Variants in PPA2 observed in about 807,000 individuals in gnomAD.
PPA2 encodes inorganic pyrophosphatase 2.
A neutral mutation model predicts 49.5 loss-of-function variants in PPA2; 48 were observed. The observed-to-expected ratio is 0.97, with a 90% CI of 0.77 to 1.23. The LOEUF (loss-of-function observed/expected upper bound fraction) is 1.23, where lower values mean the gene tolerates loss of function less well. PPA2 is among the 50% of genes most tolerant of loss of function. The pLI, the probability that PPA2 is intolerant of heterozygous loss-of-function variation, is 0.00. For synonymous variants in PPA2, 131 were observed against 139.9 expected, an observed-to-expected ratio of 0.94 and a Z score of 0.45; for missense variants, 429 against 410.1, an observed-to-expected ratio of 1.05 and a Z score of -0.40.
chr4:105,466,214 C>G (rs1019742561), intron 1 of PPA2, among the ~76,000 whole-genome samples: 2 of 151,896 alleles, frequency 1.3e-5, no homozygotes, highest in Non-Finnish European at 2.9e-5. Flanking sequence ...TAGAGAACAC[C>G]CACTTGACCT....
chr4:105,403,817 C>T (rs1249442496), intron 7 of PPA2, among the ~76,000 whole-genome samples: 1 of 151,934 alleles, frequency 6.6e-6, no homozygotes, highest in Non-Finnish European at 1.5e-5. Context: ...ACTGGGGATA[C>T]TGTATATCTT....
chr4:105,423,629 G>A (rs976846807), intron 7 of PPA2, among the ~76,000 whole-genome samples: 4 of 152,164 alleles, frequency 2.6e-5, no homozygotes, highest in African/African-American at 9.6e-5. Flanking sequence ...ACTGAAGTCT[G>A]TCTGACTCCA....
intron 5 of PPA2, among the ~76,000 whole-genome samples, chr4:105,442,413 C>G (rs1044731255): frequency 2.5e-4 from 38 of 152,142 alleles, no homozygotes; most frequent in African/African-American, 9.2e-4. Context: ...ATAAGTAGGA[C>G]TATATATTTG....
intron 1 of PPA2, among the ~76,000 whole-genome samples, chr4:105,466,565 C>A (rs1472363520): frequency 6.6e-6 from 1 of 152,096 alleles, no homozygotes; most frequent in Non-Finnish European, 1.5e-5. Flanking sequence ...AACTGAGGGG[C>A]AGAAGGCAGA....
intron 10 of PPA2, among the ~76,000 whole-genome samples, chr4:105,383,934 G>C (rs1733591113): frequency 6.6e-6 from 1 of 151,084 alleles, no homozygotes; most frequent in African/African-American, 2.4e-5. Context: ...TTTGAAGACT[G>C]TACAATATTC....
intron 7 of PPA2, among the ~76,000 whole-genome samples, chr4:105,420,886 A>T (rs115832769): frequency 0.02 from 3,101 of 152,324 alleles, 47 homozygotes; most frequent in Middle Eastern, 0.061. Context: ...AAACTAAATG[A>T]ATATTTACAT....
intron 7 of PPA2, among the ~76,000 whole-genome samples, chr4:105,413,329 G>C (rs1722849271): frequency 6.6e-6 from 1 of 151,512 alleles, no homozygotes; most frequent in Non-Finnish European, 1.5e-5. Context: ...GGGGGTGGGG[G>C]ACTGGGGGAG....
chr4:105,401,857 A>T (rs1308105736), intron 7 of PPA2, among the ~76,000 whole-genome samples: 1 of 152,216 alleles, frequency 6.6e-6, no homozygotes, highest in Non-Finnish European at 1.5e-5. Flanking sequence ...CATATTATGT[A>T]TGCTGACTCT....
chr4:105,406,737 A>G (rs545995021), intron 7 of PPA2, among the ~76,000 whole-genome samples: 1 of 152,274 alleles, frequency 6.6e-6, no homozygotes, highest in South Asian at 2.1e-4. Context: ...ACCTGAGAAT[A>G]TTGTTATTTT....
chr4:105,428,526 C>CAAAAAA (rs35821105), intron 6 of PPA2, among the ~76,000 whole-genome samples: 2 of 144,070 alleles, frequency 1.4e-5, no homozygotes, highest in Non-Finnish European at 3.0e-5. Context: ...AAATGGAAAG[C>CAAAAAA]AAAAAAAAAA....
Position 105,458,799 on chromosome 4 carries a change from C to A in PPA2, c.158-2054G>T, listed in dbSNP as rs536272824. ...ATCGCACCACTGCACTCCAGCCTGG[C>A]GACACAAGACTCCACCTCCAAAAAA... On this transcript the variant is annotated intron_variant, in intron 1 of 11. Transcript: ENST00000341695. Among the ~76,000 whole-genome samples the A allele has an allele frequency of 4.6e-4, 56 of 121,282 alleles. 1 individual carries two copies. Among genetic ancestry groups the A allele is most frequent in the Admixed American group, 1.0e-3 (9 of 9,030 alleles). 79.6% of individuals were successfully genotyped at this position (121,282 alleles called of 152,430 possible).
At chr4:105,399,249 G>C (rs978156933) in intron 7 of PPA2, 85 bp from the exon 8 acceptor site, 15 of 1,305,396 alleles carry the variant, frequency 1.1e-5, no homozygotes, top group Non-Finnish European at 1.5e-5. Flanking sequence ...GAGGGAGCCA[G>C]GAAACATGGG....
intron 9 of PPA2, among the ~76,000 whole-genome samples, chr4:105,395,816 G>A (rs1373813208): frequency 1.3e-5 from 2 of 152,100 alleles, no homozygotes; most frequent in Admixed American, 6.5e-5. Context: ...AAAAATGGGT[G>A]AATATACATT....
intron 7 of PPA2, among the ~76,000 whole-genome samples, chr4:105,420,008 TG>T (rs1723184519): frequency 6.6e-6 from 1 of 152,068 alleles, no homozygotes; most frequent in Non-Finnish European, 1.5e-5. Context: ...GTCTCGCTCT[TG>T]TTGCCTAGGC....
chr4:105,379,429 A>G (rs1169906244), intron 10 of PPA2, among the ~76,000 whole-genome samples: 2 of 77,750 alleles, frequency 2.6e-5, no homozygotes, highest in Non-Finnish European at 6.5e-5. Flanking sequence ...ATATGTGTAG[A>G]TAGATAGATA....
At chr4:105,391,234 G>T (rs1260858236) in intron 9 of PPA2, among the ~76,000 whole-genome samples, 1 of 150,820 alleles carries the variant, frequency 6.6e-6, no homozygotes. Flanking sequence ...ATGCAGGCAG[G>T]GCTTAATACC....
chr4:105,472,059 T>C (rs1723545229), intron 1 of PPA2, among the ~76,000 whole-genome samples: 1 of 152,246 alleles, frequency 6.6e-6, no homozygotes, highest in African/African-American at 2.4e-5. Flanking sequence ...TTCGACATCC[T>C]GTCTTAACAG....
intron 7 of PPA2, among the ~76,000 whole-genome samples, chr4:105,415,293 T>C (rs1027092200): frequency 1.3e-5 from 2 of 152,246 alleles, no homozygotes; most frequent in African/African-American, 4.8e-5. Context: ...GTACCCAGGC[T>C]GTTTGTGCCA....
In PPA2 at chr4:105,449,420, A is replaced by G; in HGVS notation, c.268-17T>C. 6.6e-7 allele frequency: 1 copy of G among 1,515,516 alleles called. No individual in the cohort carries two copies. The highest frequency in any genetic ancestry group is 9.0e-7 in the Non-Finnish European group (1 of 1,108,206). 93.9% of individuals were successfully genotyped at this position (1,515,516 alleles called of 1,614,324 possible). On this transcript the variant is annotated splice_polypyrimidine_tract_variant and intron_variant, in intron 3 of 11. Transcript: ENST00000341695. Reference sequence around the variant, plus strand: ...AAACAGATTCTGCAGTTAAAAACAAAACAAAGAGAGAACATTAAAAATTTT... The same window carrying G: ...AAACAGATTCTGCAGTTAAAAACAAGACAAAGAGAGAACATTAAAAATTTT...
Sources: gnomAD v4.1 joint callset for allele counts (sites outside exome capture counted in the v4.1 genomes callset) on GRCh38, gnomAD v4.1.1 for gene constraint, MANE v1.5 for transcripts, NCBI Gene and HGNC (gene_info 2026-07-23, HGNC 2026-07-21) for gene names.